CDH18: variants seen among roughly 807,000 people sequenced by gnomAD.
The protein encoded by CDH18 is cadherin 18, also known as cadherin-18.
A neutral mutation model predicts 67.9 loss-of-function variants in CDH18; 31 were observed. The ratio of observed to expected loss-of-function variants is 0.46; its 90% CI spans 0.34 to 0.62. The LOEUF is 0.62. CDH18 is among the 20% of genes least tolerant of loss of function. The pLI is 0.01. For missense variants in CDH18, 890 were observed against 975.5 expected (o/e 0.91, Z 1.17); for synonymous variants, 362 against 347.2 (o/e 1.04, Z -0.48).
intron 7 of CDH18, among the ~76,000 whole-genome samples, chr5:19,589,803 C>T (rs934144276): frequency 6.6e-6 from 1 of 152,036 alleles, no homozygotes; most frequent in African/African-American, 2.4e-5. Flanking sequence ...TTAAATGTGC[C>T]ATGTTTCACT....
chr5:19,595,843 A>T (rs1746081108), intron 6 of CDH18, among the ~76,000 whole-genome samples: 1 of 152,222 alleles, frequency 6.6e-6, no homozygotes, highest in Non-Finnish European at 1.5e-5. Flanking sequence ...TAGTCTAACT[A>T]AACTAAATGT....
intron 2 of CDH18, among the ~76,000 whole-genome samples, chr5:20,177,918 G>C (rs1290688561): frequency 6.6e-6 from 1 of 152,034 alleles, no homozygotes; most frequent in Non-Finnish European, 1.5e-5. Context: ...GGTTTCCCCA[G>C]CCACGTGGAA....
At chr5:19,761,566 A>C (rs2149705911) in intron 3 of CDH18, among the ~76,000 whole-genome samples, 1 of 152,224 alleles carries the variant, frequency 6.6e-6, no homozygotes, top group Admixed American at 6.5e-5. Flanking sequence ...GAAACCCAAA[A>C]AAAAACTGCC....
chr5:20,304,072 T>C, intron 1 of CDH18: 1 of 1,609,312 alleles, frequency 6.2e-7, no homozygotes, highest in Non-Finnish European at 8.5e-7. Flanking sequence ...CCAGTAAAAT[T>C]TTGTGCAACT....
intron 1 of CDH18, chr5:20,305,468 G>A: frequency 1.5e-6 from 2 of 1,355,904 alleles, no homozygotes; most frequent in Non-Finnish European, 2.1e-6. Context: ...CCTCCTCAGC[G>A]GCCGCCGCTG....
At chr5:20,486,339 A>AT (rs753242629) in intron 1 of CDH18, among the ~76,000 whole-genome samples, 19 of 152,194 alleles carry the variant, frequency 1.2e-4, no homozygotes, top group Non-Finnish European at 2.4e-4. Flanking sequence ...AACAAAGCCT[A>AT]TAGAGATTGC....
chr5:20,356,392 A>G (rs914365558), intron 1 of CDH18, among the ~76,000 whole-genome samples: 4 of 152,140 alleles, frequency 2.6e-5, no homozygotes, highest in Admixed American at 2.6e-4. Context: ...CAAACAAACA[A>G]ACAAAACCAC....
chr5:20,376,571 A>AG (rs1743465671), intron 1 of CDH18, among the ~76,000 whole-genome samples: 1 of 151,582 alleles, frequency 6.6e-6, no homozygotes, highest in African/African-American at 2.4e-5. Context: ...ATTAAAAAAA[A>AG]AAAAAAAGGA....
chr5:19,727,496 CT>C (rs1581085433), intron 4 of CDH18, among the ~76,000 whole-genome samples: 2 of 152,290 alleles, frequency 1.3e-5, no homozygotes, highest in East Asian at 3.9e-4. Context: ...GGTCACTTCT[CT>C]GTTCAGAGAG....
chr5:20,131,052 C>G (rs1199892495), intron 2 of CDH18, among the ~76,000 whole-genome samples: 1 of 152,056 alleles, frequency 6.6e-6, no homozygotes, highest in Admixed American at 6.6e-5. Context: ...AAAATCACTT[C>G]ATATCATTTA....
At chr5:19,573,551 T>C (rs1033421957) in intron 7 of CDH18, among the ~76,000 whole-genome samples, 1 of 152,194 alleles carries the variant, frequency 6.6e-6, no homozygotes, top group African/African-American at 2.4e-5. Context: ...GTGCTGGGAT[T>C]GCAGGCGTAA....
chr5:20,165,730 AT>A (rs1053493482), intron 2 of CDH18, among the ~76,000 whole-genome samples: 1 of 152,002 alleles, frequency 6.6e-6, no homozygotes, highest in Admixed American at 6.6e-5. Flanking sequence ...TGTTTTATTT[AT>A]TTTTTTGGCA....
intron 1 of CDH18, among the ~76,000 whole-genome samples, chr5:20,478,194 G>A (rs924398613): frequency 1.3e-5 from 2 of 152,148 alleles, no homozygotes; most frequent in African/African-American, 4.8e-5. Flanking sequence ...GTAGCAATGA[G>A]GAGAGTCTTT....
intron 2 of CDH18, among the ~76,000 whole-genome samples, chr5:20,019,833 G>A (rs1264082429): frequency 1.3e-5 from 2 of 152,192 alleles, no homozygotes; most frequent in Non-Finnish European, 2.9e-5. Flanking sequence ...CTGGGTAATG[G>A]GCAGAAGTTG....
chr5:19,738,062 A>G (rs561554879), intron 4 of CDH18, among the ~76,000 whole-genome samples: 3 of 152,168 alleles, frequency 2.0e-5, no homozygotes, highest in Non-Finnish European at 4.4e-5. Context: ...ATTTAAGAAT[A>G]GCTCTGTCTC....
chr5:19,499,288 C>T (rs1270269001), intron 11 of CDH18, among the ~76,000 whole-genome samples: 2 of 152,150 alleles, frequency 1.3e-5, no homozygotes, highest in Non-Finnish European at 2.9e-5. Context: ...GATCCCACTT[C>T]TTTTCTACCT....
chr5:20,152,274 A>G (rs2126574296), intron 2 of CDH18, among the ~76,000 whole-genome samples: 1 of 146,776 alleles, frequency 6.8e-6, no homozygotes, highest in African/African-American at 2.5e-5. Flanking sequence ...TATAAAAACT[A>G]TATAATTATA....
At chr5:20,387,669 G>A (rs1158484572) in intron 1 of CDH18, among the ~76,000 whole-genome samples, 1 of 152,084 alleles carries the variant, frequency 6.6e-6, no homozygotes, top group Non-Finnish European at 1.5e-5. Flanking sequence ...AATGCTTCCA[G>A]TTTTTGCCCA....
chr5:20,516,143 A>G (rs952157154), intron 1 of CDH18, among the ~76,000 whole-genome samples: 4 of 151,982 alleles, frequency 2.6e-5, no homozygotes, highest in Non-Finnish European at 5.9e-5. Flanking sequence ...GGTTTGTAGT[A>G]CTTATTATGG....
Sources: gnomAD v4.1 joint callset for allele counts (sites outside exome capture counted in the v4.1 genomes callset) on GRCh38, gnomAD v4.1.1 for gene constraint, MANE v1.5 for transcripts, NCBI Gene and HGNC (gene_info 2026-07-23, HGNC 2026-07-21) for gene names.